Variants in UACA observed in about 807,000 individuals in gnomAD.
UACA encodes uveal autoantigen with coiled-coil domains and ankyrin repeats, also known as nuclear membrane binding protein.
UACA carries 112 observed loss-of-function variants against 160.5 expected under a neutral mutation model. The observed-to-expected ratio is 0.70, with a 90% CI of 0.60 to 0.82. UACA has a LOEUF of 0.82. UACA is among the 40% of genes least tolerant of loss of function. The pLI is 0.00. For synonymous variants in UACA, 557 were observed against 568.4 expected, an observed-to-expected ratio of 0.98 and a Z score of 0.29; for missense variants, 1,574 against 1,614.6, an observed-to-expected ratio of 0.97 and a Z score of 0.43.
At chr15:70,662,860 T>C (rs1595866145) in intron 17 of UACA, among the ~76,000 whole-genome samples, 1 of 151,992 alleles carries the variant, frequency 6.6e-6, no homozygotes, top group Admixed American at 6.6e-5. Flanking sequence ...CAAAAATTAA[T>C]TCAAGATGGA....
the UACA span, among the ~76,000 whole-genome samples, chr15:70,770,680 G>A: frequency 2.6e-5 from 4 of 152,306 alleles, no homozygotes; most frequent in East Asian, 7.7e-4. Flanking sequence ...CAATAATTAA[G>A]AACAGTTCCT....
rs1023675426 is a variant in UACA at position 70,656,867 on chromosome 15, A to G, written c.*189T>C. 8.4e-6 allele frequency: 4 copies of G among 474,298 alleles called. No individual in the cohort carries two copies. Among genetic ancestry groups the G allele is most frequent in the Middle Eastern group, 3.8e-4 (1 of 2,636 alleles). 29.4% of individuals were successfully genotyped at this position (474,298 alleles called of 1,614,324 possible). On this transcript the variant is annotated 3_prime_UTR_variant, in exon 19 of 19. Coordinates refer to ENST00000322954, the MANE Select transcript of UACA (RefSeq NM_018003.4). ...TTTGTAAAATTAACACATACAGAAA[A>G]TAAGATTCAAACTGATATTGAAAAA...
chr15:70,757,383 C>T (rs1301483164), intron 1 of UACA, among the ~76,000 whole-genome samples: 1 of 152,126 alleles, frequency 6.6e-6, no homozygotes, highest in Non-Finnish European at 1.5e-5. Flanking sequence ...CATTAGTAGC[C>T]TCTGACAATC....
chr15:70,658,026 C>T (rs139479372), intron 18 of UACA, among the ~76,000 whole-genome samples: 2 of 151,640 alleles, frequency 1.3e-5, no homozygotes, highest in Non-Finnish European at 2.9e-5. Context: ...GGAGTTGAGG[C>T]TGTATGAGCT....
intron 1 of UACA, among the ~76,000 whole-genome samples, chr15:70,718,260 G>A (rs527348747): frequency 6.8e-6 from 1 of 146,930 alleles, no homozygotes; most frequent in African/African-American, 2.5e-5. Context: ...CGGGGGGGAG[G>A]GAGGGGGAGG....
At chr15:70,729,793 C>G (rs1224460481) in intron 1 of UACA, among the ~76,000 whole-genome samples, 2 of 138,744 alleles carry the variant, frequency 1.4e-5, no homozygotes, top group Non-Finnish European at 3.0e-5. Context: ...AGCTGGAGAT[C>G]TGAGAACGGG....
intron 1 of UACA, among the ~76,000 whole-genome samples, chr15:70,745,833 A>C (rs369539249): frequency 0.027 from 4,151 of 152,266 alleles, 215 homozygotes; most frequent in African/African-American, 0.094. Context: ...CTGACCTTTG[A>C]CAAACCTGAC....
intron 13 of UACA, chr15:70,676,191 T>C (rs1897299543): frequency 4.8e-6 from 1 of 208,128 alleles, no homozygotes; most frequent in South Asian, 1.2e-4. Flanking sequence ...TCACTGCAAA[T>C]TTACAGGTAG....
At chr15:70,701,600 A>AT (rs1053167679) in intron 1 of UACA, among the ~76,000 whole-genome samples, 1 of 152,012 alleles carries the variant, frequency 6.6e-6, no homozygotes, top group African/African-American at 2.4e-5. Flanking sequence ...TTATCATATG[A>AT]TTTTCAGTTC....
intron 2 of UACA, among the ~76,000 whole-genome samples, chr15:70,698,834 C>G (rs758302871): frequency 1.3e-5 from 2 of 152,060 alleles, no homozygotes; most frequent in Non-Finnish European, 2.9e-5. Context: ...TACCCTTTAA[C>G]CCAACTGCTC....
rs1896913931 is a variant in UACA, at chr15:70,666,588, AT to A, written c.3960+135del. ...ACTTCACTTTTTTTTTCAATTCGGA[AT>A]TTTTGCACGCAAGTTGCTAAACTGG... On this transcript the variant is annotated intron_variant, in intron 16 of 18. Transcript: ENST00000322954. 16 of 686,246 alleles carry A rather than the reference AT, an allele frequency of 2.3e-5. No homozygotes were observed. The South Asian group carries it at 5.5e-4, about 24-fold the overall frequency. 42.5% of individuals were successfully genotyped at this position (686,246 alleles called of 1,614,324 possible). A position where few individuals can be genotyped will look rare whatever the true frequency, so the allele number is the denominator to read the frequency against.
chr15:70,667,387 C>G lies in UACA; in HGVS notation c.3297G>C (p.Glu1099Asp). 3 of 1,612,422 alleles carry G rather than the reference C, an allele frequency of 1.9e-6. No homozygotes were observed. Among genetic ancestry groups the G allele is most frequent in the Non-Finnish European group, 2.5e-6 (3 of 1,179,934 alleles). Residue 1099 changes from glutamate to aspartate, a missense_variant, in exon 16 of 19, where the codon GAG becomes GAC. Coordinates refer to ENST00000322954, the MANE Select transcript of UACA (RefSeq NM_018003.4). ...GCAAAAGATTTTGCACTGCAAGTAT[C>G]TCAGAAGTCTGTTTGGCATTTTCTT... ...LVEENAKQTSEILAVQNLLQK... is the reference protein window; with the variant it reads ...LVEENAKQTSDILAVQNLLQK...
At chr15:70,755,033 G>A (rs1453256501) in intron 1 of UACA, among the ~76,000 whole-genome samples, 4 of 152,166 alleles carry the variant, frequency 2.6e-5, no homozygotes, top group African/African-American at 9.7e-5. Flanking sequence ...TCAATAATAT[G>A]CTGTATCCTT....
chr15:70,657,626 C>G (rs936186304), intron 18 of UACA, among the ~76,000 whole-genome samples: 2 of 151,884 alleles, frequency 1.3e-5, no homozygotes, highest in East Asian at 3.9e-4. Flanking sequence ...ACAACAGCTG[C>G]TCTAACTTCC....
chr15:70,736,559 C>G (rs553290456), intron 1 of UACA, among the ~76,000 whole-genome samples: 1 of 151,984 alleles, frequency 6.6e-6, no homozygotes, highest in Non-Finnish European at 1.5e-5. Flanking sequence ...CTCAGCCTCC[C>G]GAATAGCAGG....
At chr15:70,694,304 T>TACAAACTTCTTTGATGC (rs1898049682) in intron 3 of UACA, among the ~76,000 whole-genome samples, 1 of 152,158 alleles carries the variant, frequency 6.6e-6, no homozygotes. Context: ...TTCTTTGATG[T>TACAAACTTCTTTGATGC]ACAAACCTTT....
At chr15:70,706,535 A>AC (rs1898528081) in intron 1 of UACA, among the ~76,000 whole-genome samples, 1 of 151,794 alleles carries the variant, frequency 6.6e-6, no homozygotes, top group African/African-American at 2.4e-5. Context: ...AAAAAAAAAA[A>AC]AACTCTAAAG....
At chr15:70,765,586 A>T (rs1160233963), upstream of UACA, among the ~76,000 whole-genome samples, 1 of 152,226 alleles carries the variant, frequency 6.6e-6, no homozygotes, top group African/African-American at 2.4e-5. Flanking sequence ...TTTACTTAAA[A>T]TTGGGGAATA....
chr15:70,774,272 C>A, the UACA span, among the ~76,000 whole-genome samples: 3 of 152,014 alleles, frequency 2.0e-5, no homozygotes, highest in Non-Finnish European at 2.9e-5. Flanking sequence ...CTGGGCTGGG[C>A]GTGGTGGCTC....
Sources: gnomAD v4.1 joint callset for allele counts (sites outside exome capture counted in the v4.1 genomes callset) on GRCh38, gnomAD v4.1.1 for gene constraint, MANE v1.5 for transcripts, NCBI Gene and HGNC (gene_info 2026-07-23, HGNC 2026-07-21) for gene names.